GRB14: variants seen among roughly 807,000 people sequenced by gnomAD.
GRB14 encodes growth factor receptor bound protein 14.
A neutral mutation model predicts 69.1 loss-of-function variants in GRB14; 38 were observed. The observed-to-expected ratio is 0.55, with a 90% confidence interval of 0.42 to 0.72. GRB14 has a LOEUF of 0.72. GRB14 is among the 30% of genes least tolerant of loss of function. GRB14 has a pLI of 0.00. For synonymous variants in GRB14, 247 were observed against 241.3 expected, an observed-to-expected ratio of 1.02 and a Z score of -0.22; for missense variants, 666 against 666.1, an observed-to-expected ratio of 1.00 and a Z score of 0.00.
intron 8 of GRB14, among the ~76,000 whole-genome samples, chr2:164,503,442 C>CAAAAA (rs148268784): frequency 1.5e-4 from 14 of 92,230 alleles, no homozygotes; most frequent in East Asian, 1.1e-3. Context: ...GGTAATTAGG[C>CAAAAA]AAAAAAAAAA....
intron 9 of GRB14, 22 bp downstream of exon 9, chr2:164,502,233 G>A (rs772648133): frequency 7.8e-7 from 1 of 1,280,416 alleles, no homozygotes; most frequent in Non-Finnish European, 1.1e-6. Context: ...ATAAAACACA[G>A]GCTCAAAAAT....
In GRB14 at chr2:164,592,433, G is replaced by A. The variant is rs555144370; in HGVS notation, c.324+27254C>T. Among the ~76,000 whole-genome samples the A allele has an allele frequency of 2.6e-5, 4 of 152,110 alleles. No homozygotes were observed. The East Asian group carries it at 5.8e-4, about 22-fold the overall frequency. On this transcript the variant is annotated intron_variant, in intron 2 of 13. Coordinates refer to ENST00000263915, the MANE Select transcript of GRB14 (RefSeq NM_004490.3). The stretch of plus-strand genomic sequence containing the variant: ...ACAGGCGTGAGCCACCATGCCCAGC[G>A]AGTCATGGGTATGTCTTTATCAGCA...
chr2:164,560,742 CTGCAAAATAATAATTCCTGGTAT>C (rs1243377715), intron 2 of GRB14, among the ~76,000 whole-genome samples: 16 of 152,178 alleles, frequency 1.1e-4, no homozygotes, highest in African/African-American at 3.4e-4. Flanking sequence ...AGTTTTCAAA[CTGCAAAATAATAATTCCTGGTAT>C]TTTCCCAAAC....
chr2:164,496,904 G>T, intron 12 of GRB14, 104 bp downstream of exon 12: 1 of 863,436 alleles, frequency 1.2e-6, no homozygotes, highest in Non-Finnish European at 1.9e-6. Context: ...TCTGTTTTAT[G>T]ATAAGCCCAA....
At chr2:164,586,202 G>A (rs1689535361) in intron 2 of GRB14, among the ~76,000 whole-genome samples, 1 of 152,194 alleles carries the variant, frequency 6.6e-6, no homozygotes, top group Non-Finnish European at 1.5e-5. Flanking sequence ...GCATGGGATA[G>A]ATCTGGGAAG....
At chr2:164,551,209 C>A (rs191430319) in intron 2 of GRB14, among the ~76,000 whole-genome samples, 1 of 152,172 alleles carries the variant, frequency 6.6e-6, no homozygotes, top group African/African-American at 2.4e-5. Context: ...AGTACCCAGA[C>A]AACAGTGATT....
intron 3 of GRB14, among the ~76,000 whole-genome samples, chr2:164,544,761 C>T (rs193071994): frequency 3.9e-5 from 6 of 152,242 alleles, no homozygotes; most frequent in African/African-American, 1.2e-4. Context: ...CTGAGGATAC[C>T]GTGGAACAAT....
chr2:164,584,492 T>A (rs1431970048), intron 2 of GRB14, among the ~76,000 whole-genome samples: 2 of 152,024 alleles, frequency 1.3e-5, no homozygotes, highest in Non-Finnish European at 2.9e-5. Flanking sequence ...AAAAAACCAT[T>A]AATATACACT....
intron 6 of GRB14, among the ~76,000 whole-genome samples, chr2:164,513,314 A>G (rs1306712788): frequency 2.0e-5 from 3 of 152,220 alleles, no homozygotes; most frequent in Non-Finnish European, 4.4e-5. Flanking sequence ...CCCAAAAAAT[A>G]TGCTCATGCC....
chr2:164,586,149 G>A (rs1189198257), intron 2 of GRB14, among the ~76,000 whole-genome samples: 1 of 152,184 alleles, frequency 6.6e-6, no homozygotes, highest in Non-Finnish European at 1.5e-5. Context: ...AGAGAAGAAT[G>A]TCCCGGTATA....
intron 2 of GRB14, among the ~76,000 whole-genome samples, chr2:164,605,221 A>C (rs1690015341): frequency 6.6e-6 from 1 of 151,972 alleles, no homozygotes. Flanking sequence ...TTCCCAAAGG[A>C]CTTGGTACCC....
intron 2 of GRB14, among the ~76,000 whole-genome samples, chr2:164,579,174 A>G (rs1047903787): frequency 2.0e-5 from 3 of 152,200 alleles, no homozygotes; most frequent in African/African-American, 7.2e-5. Flanking sequence ...TTTAAGCCAA[A>G]AGACATAATA....
At chr2:164,596,719 G>C (rs1348155899) in intron 2 of GRB14, among the ~76,000 whole-genome samples, 3 of 152,114 alleles carry the variant, frequency 2.0e-5, no homozygotes, top group Non-Finnish European at 4.4e-5. Context: ...TCTTCAACTT[G>C]GGACTTGTTA....
intron 2 of GRB14, among the ~76,000 whole-genome samples, chr2:164,557,708 G>T (rs368793485): frequency 6.6e-6 from 1 of 152,130 alleles, no homozygotes; most frequent in East Asian, 1.9e-4. Flanking sequence ...TTGAGGTATA[G>T]CTCTTATCAT....
Position 164,619,731 on chromosome 2 carries a change from A to G in GRB14, c.280T>C (p.Leu94=). The G allele has an allele frequency of 3.7e-6, 6 of 1,604,438 alleles. No individual in the cohort carries two copies. The highest frequency in any genetic ancestry group is 5.1e-6 in the Non-Finnish European group (6 of 1,176,268). Residue 94 remains leucine (L), a synonymous_variant, in exon 2 of 14, where the codon TTG becomes CTG. Transcript: ENST00000263915. ...ELCCSPFTSV[L]SADLFPKANS... ...GCTTTGGGAAATAGGTCTGCTGACA[A>G]CACAGATGTAAATGGAGAACAGCAT...
chr2:164,609,462 C>G (rs966545896), intron 2 of GRB14, among the ~76,000 whole-genome samples: 5 of 152,204 alleles, frequency 3.3e-5, no homozygotes, highest in Non-Finnish European at 2.9e-5. Context: ...GAAGGCAAAC[C>G]TGTGCTCCAA....
chr2:164,598,021 C>A (rs1320051918), intron 2 of GRB14, among the ~76,000 whole-genome samples: 1 of 151,824 alleles, frequency 6.6e-6, no homozygotes, highest in Non-Finnish European at 1.5e-5. Context: ...GTTTCTTCAC[C>A]AAGCAGAGGA....
Position 164,525,090 on chromosome 2 carries a change from A to T in GRB14, c.604-12T>A. On this transcript the variant is annotated splice_polypyrimidine_tract_variant and intron_variant, in intron 4 of 13. Coordinates refer to ENST00000263915, the MANE Select transcript of GRB14 (RefSeq NM_004490.3). Reference sequence around the variant, plus strand: ...TCTGGAAAAAAATACTGTCAAAAAGACACAGTTAAATTATCACAAAATTCA... The same window carrying T: ...TCTGGAAAAAAATACTGTCAAAAAGTCACAGTTAAATTATCACAAAATTCA... 1 of 1,514,120 alleles carries T rather than the reference A, an allele frequency of 6.6e-7. No individual in the cohort carries two copies. Among genetic ancestry groups the T allele is most frequent in the Non-Finnish European group, 9.1e-7 (1 of 1,098,914 alleles). 93.8% of individuals were successfully genotyped at this position (1,514,120 alleles called of 1,614,324 possible).
intron 6 of GRB14, 46 bp downstream of exon 6, chr2:164,521,934 C>G: frequency 4.0e-6 from 6 of 1,503,284 alleles, no homozygotes; most frequent in Non-Finnish European, 5.4e-6. Flanking sequence ...TTTTAACTTA[C>G]AGCTTAATAT....
Sources: allele counts gnomAD v4.1 joint callset (sites outside exome capture counted in the v4.1 genomes callset), GRCh38; gene constraint gnomAD v4.1.1; transcripts MANE v1.5; gene names NCBI Gene and HGNC (gene_info 2026-07-23, HGNC 2026-07-21).